Variants in SLFN12 observed in about 807,000 individuals in gnomAD.
SLFN12 encodes schlafen family member 12.
In SLFN12, 25 loss-of-function variants were observed where a neutral mutation model predicts 29.1. The observed-to-expected ratio is 0.86, with a 90% CI of 0.63 to 1.20. The LOEUF (loss-of-function observed/expected upper bound fraction) is 1.20. Ranked by LOEUF, SLFN12 falls within the 50% of genes most tolerant of loss-of-function variation. The probability of loss-of-function intolerance (pLI) is 0.00; values close to 1 mark genes in which losing one functional copy is unlikely to be tolerated. For missense variants in SLFN12, 660 were observed against 666.2 expected (o/e 0.99, Z 0.10); for synonymous variants, 257 against 238.7 (o/e 1.08, Z -0.71).
chr17:35,425,623 G>A (rs1911963833), intron 1 of SLFN12, among the ~76,000 whole-genome samples: 1 of 151,798 alleles, frequency 6.6e-6, no homozygotes, highest in Non-Finnish European at 1.5e-5. Context: ...AGGCTAATTA[G>A]TATTTTATTA....
intron 1 of SLFN12, among the ~76,000 whole-genome samples, chr17:35,423,552 T>C (rs868589555): frequency 6.6e-6 from 1 of 152,166 alleles, no homozygotes; most frequent in African/African-American, 2.4e-5. Flanking sequence ...CAACATGTCA[T>C]GTTAATTATT....
intron 3 of SLFN12, among the ~76,000 whole-genome samples, chr17:35,414,576 C>A (rs772626499): frequency 2.2e-4 from 33 of 152,022 alleles, no homozygotes; most frequent in Non-Finnish European, 4.7e-4. Context: ...TCAAAATTCC[C>A]ATGTCATTTT....
In SLFN12 at chr17:35,419,480, A is replaced by G. The variant is rs1322276383; in HGVS notation, c.1147+794T>C. On this transcript the variant is annotated intron_variant, in intron 3 of 3. Coordinates refer to ENST00000304905, the MANE Select transcript of SLFN12 (RefSeq NM_018042.5). The stretch of plus-strand genomic sequence containing the variant: ...GTCAAAGACAAAATAGACACTGCAC[A>G]GAAGATGAAATATATATGGCCAGTA... 2.6e-5 allele frequency among the ~76,000 whole-genome samples: 4 copies of G among 152,280 alleles called. No individual in the cohort carries two copies. In the South Asian group the frequency reaches 8.3e-4, roughly 32 times the overall value.
At position 35,432,423 on chromosome 17, in the gene SLFN12, C is replaced by T. The variant is rs1912375043; in HGVS notation, c.-276G>A. On this transcript the variant is annotated 5_prime_UTR_variant, in exon 1 of 4. In the 5' UTR this introduces an upstream ATG that the reference lacks. Transcript: ENST00000304905. ...TTAAGTACCCTCTAAAGTTTTCCCA[C>T]TGGTTACTTGGTGTGCACACAATGT... 6.6e-6 allele frequency: 1 copy of T among 152,160 alleles called. No individual in the cohort carries two copies. The highest frequency in any genetic ancestry group is 2.1e-4 in the South Asian group (1 of 4,834). 9.4% of individuals were successfully genotyped at this position (152,160 alleles called of 1,614,324 possible). A position where few individuals can be genotyped will look rare whatever the true frequency, so the allele number is the denominator to read the frequency against.
rs550830724 is a variant in SLFN12 at position 35,420,454 on chromosome 17, T to C, written c.1040-73A>G. 836 of 888,724 alleles carry C rather than the reference T, an allele frequency of 9.4e-4. 9 individuals are homozygous for C. In the South Asian group the frequency reaches 0.013, roughly 14 times the overall value. The allele number at this position is 888,724 out of a possible 1,614,324, so 55.1% of individuals were successfully genotyped here. On this transcript the variant is annotated intron_variant, in intron 2 of 3. Coordinates refer to ENST00000304905, the MANE Select transcript of SLFN12 (RefSeq NM_018042.5). Reference sequence around the variant, plus strand: ...CAACTAACTAATGCATAGTATTATATATTAAAAGTCTACTTGTAACTGATT... The same window carrying C: ...CAACTAACTAATGCATAGTATTATACATTAAAAGTCTACTTGTAACTGATT...
rs139125824 is a variant in SLFN12, at chr17:35,415,122, AG to A, written c.1148-3196del. 1.5e-3 allele frequency among the ~76,000 whole-genome samples: 230 copies of A among 152,196 alleles called. 2 individuals are homozygous for A. Among genetic ancestry groups the A allele is most frequent in the Non-Finnish European group, 2.4e-3 (163 of 67,992 alleles). On this transcript the variant is annotated intron_variant, in intron 3 of 3. Transcript: ENST00000304905. ...TACCTGACTTCAAATTATGCTACAA[AG>A]CTATAGTTACCAAAACAGCATGGTT...
chr17:35,430,165 T>A (rs1912229869), intron 1 of SLFN12, among the ~76,000 whole-genome samples: 1 of 152,092 alleles, frequency 6.6e-6, no homozygotes, highest in Non-Finnish European at 1.5e-5. Context: ...CTCAACAGCC[T>A]GCAGTTTATT....
At chr17:35,421,256 A>ATAAC (rs1911626837) in intron 2 of SLFN12, among the ~76,000 whole-genome samples, 1 of 145,774 alleles carries the variant, frequency 6.9e-6, no homozygotes, top group Non-Finnish European at 1.5e-5. Context: ...AAATAAATAA[A>ATAAC]TAGAAAGGGG....
intron 3 of SLFN12, among the ~76,000 whole-genome samples, chr17:35,419,011 G>A (rs1160349969): frequency 1.3e-5 from 2 of 152,004 alleles, no homozygotes; most frequent in Non-Finnish European, 2.9e-5. Flanking sequence ...GGGTCTGCAG[G>A]TGTGCACCAC....
intron 3 of SLFN12, among the ~76,000 whole-genome samples, chr17:35,419,802 G>T (rs1394715604): frequency 1.3e-5 from 2 of 152,088 alleles, no homozygotes; most frequent in African/African-American, 4.8e-5. Flanking sequence ...TTGCACATAT[G>T]CACTAGAAGA....
At chr17:35,413,046 A>C (rs1255925032) in intron 3 of SLFN12, among the ~76,000 whole-genome samples, 1 of 150,766 alleles carries the variant, frequency 6.6e-6, no homozygotes, top group Non-Finnish European at 1.5e-5. Flanking sequence ...GGATGGTAGC[A>C]AAAGTCCGAA....
At chr17:35,416,671 G>T (rs959435681) in intron 3 of SLFN12, among the ~76,000 whole-genome samples, 1 of 152,116 alleles carries the variant, frequency 6.6e-6, no homozygotes, top group African/African-American at 2.4e-5. Context: ...ATACTGAGAT[G>T]CCAGCTATTG....
intron 3 of SLFN12, among the ~76,000 whole-genome samples, chr17:35,418,375 C>T (rs1911436606): frequency 6.6e-6 from 1 of 152,056 alleles, no homozygotes; most frequent in South Asian, 2.1e-4. Context: ...ATAGCAAGAC[C>T]AACCCTTCTC....
At chr17:35,418,602 A>T (rs1049148648) in intron 3 of SLFN12, among the ~76,000 whole-genome samples, 2 of 152,078 alleles carry the variant, frequency 1.3e-5, no homozygotes, top group African/African-American at 4.8e-5. Flanking sequence ...TGACTACGTT[A>T]TTGGTAAGGC....
rs1279097417 is a variant in SLFN12 at position 35,411,127 on chromosome 17, C to T, written c.*211G>A. The T allele has an allele frequency of 9.0e-6, 4 of 444,636 alleles. No individual in the cohort carries two copies. Among genetic ancestry groups the T allele is most frequent in the Admixed American group, 8.1e-5 (2 of 24,806 alleles). 27.5% of individuals were successfully genotyped at this position (444,636 alleles called of 1,614,324 possible). ...CAGACAGAGTAAATAATACTGTGCA[C>T]AGACGAGTTAACAAATTAATTTTCC... On this transcript the variant is annotated 3_prime_UTR_variant, in exon 4 of 4. Transcript: ENST00000304905.
At chr17:35,432,587 T>A (rs1002426547), upstream of SLFN12, 1 of 152,136 alleles carries the variant, frequency 6.6e-6, no homozygotes, top group South Asian at 2.1e-4. Context: ...TACATTCCTA[T>A]GCACATGAAG....
chr17:35,422,381 T>C lies in SLFN12; in HGVS notation c.648A>G (p.Gln216=). The part of the protein sequence containing the change: ...IKNFSTEKLL[Q]RIKEILPQYV... ...ATTGAGGGAGAATCTCTTTAATTCGTTGTAACAACTTTTCTGTCGAGAAGT... is the reference window on the plus strand; with the variant it reads ...ATTGAGGGAGAATCTCTTTAATTCGCTGTAACAACTTTTCTGTCGAGAAGT... The change falls in exon 2 of 4, where the codon CAA becomes CAG. Residue 216 remains glutamine (Q), a synonymous_variant. Coordinates refer to ENST00000304905, the MANE Select transcript of SLFN12 (RefSeq NM_018042.5). 1 of 1,614,020 alleles carries C rather than the reference T, an allele frequency of 6.2e-7. No homozygotes were observed. Among genetic ancestry groups the C allele is most frequent in the South Asian group, 1.1e-5 (1 of 91,002 alleles).
rs752521571 is a variant in SLFN12, at chr17:35,422,379, C to G, written c.650G>C (p.Arg217Pro). The change falls in exon 2 of 4, where the codon CGA becomes CCA. Residue 217 changes from arginine to proline, a missense_variant. Transcript: ENST00000304905. ...KNFSTEKLLQ[R>P]IKEILPQYVS... The stretch of plus-strand genomic sequence containing the variant: ...ATATTGAGGGAGAATCTCTTTAATT[C>G]GTTGTAACAACTTTTCTGTCGAGAA... The G allele has an allele frequency of 6.2e-7, 1 of 1,613,932 alleles. No individual in the cohort carries two copies. The highest frequency in any genetic ancestry group is 1.1e-5 in the South Asian group (1 of 91,000).
chr17:35,415,513 T>C (rs1911264120), intron 3 of SLFN12, among the ~76,000 whole-genome samples: 1 of 151,918 alleles, frequency 6.6e-6, no homozygotes, highest in Non-Finnish European at 1.5e-5. Context: ...AATAAATAGA[T>C]GAGAAGTAAC....
Sources: allele counts gnomAD v4.1 joint callset (sites outside exome capture counted in the v4.1 genomes callset), GRCh38; gene constraint gnomAD v4.1.1; transcripts MANE v1.5; gene names NCBI Gene and HGNC (gene_info 2026-07-23, HGNC 2026-07-21).